Variants in SDC2 observed in about 807,000 individuals in gnomAD.
SDC2 encodes syndecan 2.
SDC2 carries 13 observed loss-of-function variants against 22.2 expected under a neutral mutation model. The ratio of observed to expected loss-of-function variants is 0.59; its 90% confidence interval spans 0.38 to 0.93. SDC2 has a LOEUF of 0.93. Among genes scored for constraint, SDC2 ranks in the 40% least tolerant of loss-of-function variants. SDC2 has a pLI of 0.00. For synonymous variants in SDC2, 94 were observed against 92.8 expected, an observed-to-expected ratio of 1.01 and a Z score of -0.07; for missense variants, 235 against 246.8, an observed-to-expected ratio of 0.95 and a Z score of 0.32.
chr8:96,507,429 G>C (rs78926412), intron 1 of SDC2, among the ~76,000 whole-genome samples: 1 of 152,088 alleles, frequency 6.6e-6, no homozygotes, highest in Non-Finnish European at 1.5e-5. Context: ...AGAATCCTTT[G>C]GTGTTTAGAT....
chr8:96,588,395 A>G (rs1814721849), intron 1 of SDC2, among the ~76,000 whole-genome samples: 1 of 152,182 alleles, frequency 6.6e-6, no homozygotes, highest in African/African-American at 2.4e-5. Flanking sequence ...TTTTTAGCTA[A>G]TTATTATTTC....
At chr8:96,506,701 G>A (rs1813244389) in intron 1 of SDC2, among the ~76,000 whole-genome samples, 1 of 152,008 alleles carries the variant, frequency 6.6e-6, no homozygotes, top group African/African-American at 2.4e-5. Flanking sequence ...CTTATAGTAG[G>A]TGTTCAGTTA....
chr8:96,584,603 G>A (rs907972995), intron 1 of SDC2, among the ~76,000 whole-genome samples: 4 of 152,166 alleles, frequency 2.6e-5, no homozygotes, highest in African/African-American at 9.7e-5. Context: ...TATTAATGCT[G>A]ACCCTCTCCA....
At chr8:96,572,949 CA>C (rs1442422628) in intron 1 of SDC2, among the ~76,000 whole-genome samples, 17 of 152,136 alleles carry the variant, frequency 1.1e-4, no homozygotes, top group Admixed American at 9.2e-4. Context: ...CAGGATTGGT[CA>C]GATTGTTGTG....
intron 3 of SDC2, among the ~76,000 whole-genome samples, chr8:96,603,384 T>A (rs1044182246): frequency 1.3e-5 from 2 of 152,186 alleles, no homozygotes; most frequent in African/African-American, 4.8e-5. Context: ...CCAAGCCAAT[T>A]CACCAAATGA....
At chr8:96,534,186 T>G (rs1813714511) in intron 1 of SDC2, among the ~76,000 whole-genome samples, 1 of 152,156 alleles carries the variant, frequency 6.6e-6, no homozygotes, top group Admixed American at 6.5e-5. Context: ...CTGCCTGTGT[T>G]TCTCCCTCCA....
chr8:96,589,239 G>A (rs951691045), intron 1 of SDC2, among the ~76,000 whole-genome samples: 4 of 152,134 alleles, frequency 2.6e-5, no homozygotes, highest in African/African-American at 7.2e-5. Flanking sequence ...GGTATAATAC[G>A]AAGGAAAGTA....
chr8:96,502,940 A>G (rs1212244081), intron 1 of SDC2, among the ~76,000 whole-genome samples: 1 of 152,180 alleles, frequency 6.6e-6, no homozygotes, highest in African/African-American at 2.4e-5. Context: ...TCATCTGATA[A>G]GCTCTAGCCC....
chr8:96,530,880 C>T (rs1438140814), intron 1 of SDC2, among the ~76,000 whole-genome samples: 9 of 152,164 alleles, frequency 5.9e-5, no homozygotes, highest in Non-Finnish European at 1.2e-4. Flanking sequence ...GACAGAATGG[C>T]GGAGCTAAGA....
intron 1 of SDC2, among the ~76,000 whole-genome samples, chr8:96,537,689 G>C (rs562867964): frequency 2.0e-5 from 3 of 152,290 alleles, no homozygotes; most frequent in African/African-American, 7.2e-5. Flanking sequence ...GGTTTCGGAT[G>C]CTATTTTAAT....
At chr8:96,592,790 A>T (rs1586319742) in intron 1 of SDC2, among the ~76,000 whole-genome samples, 3 of 152,258 alleles carry the variant, frequency 2.0e-5, no homozygotes, top group Admixed American at 2.0e-4. Flanking sequence ...TGTATTTGTC[A>T]TTAAGGCTTT....
intron 1 of SDC2, among the ~76,000 whole-genome samples, chr8:96,509,856 G>C (rs1052921716): frequency 6.6e-6 from 1 of 152,190 alleles, no homozygotes; most frequent in Non-Finnish European, 1.5e-5. Context: ...AAGCAGTGTG[G>C]AATTGGGAAA....
intron 1 of SDC2, among the ~76,000 whole-genome samples, chr8:96,506,595 G>T (rs1813242590): frequency 6.6e-6 from 1 of 152,036 alleles, no homozygotes; most frequent in Non-Finnish European, 1.5e-5. Context: ...TACTACCTCA[G>T]CCTCCTGAGT....
chr8:96,605,420 G>A (rs1272319433), intron 3 of SDC2, among the ~76,000 whole-genome samples: 2 of 152,174 alleles, frequency 1.3e-5, no homozygotes, highest in African/African-American at 4.8e-5. Context: ...CCTGTTGTCT[G>A]TCTTTCCACA....
At chr8:96,608,834 A>G (rs1815128814) in intron 4 of SDC2, among the ~76,000 whole-genome samples, 1 of 152,222 alleles carries the variant, frequency 6.6e-6, no homozygotes, top group Non-Finnish European at 1.5e-5. Context: ...AAAGTTCTTT[A>G]GGGGAAGGCA....
chr8:96,530,936 A>G (rs370729546), intron 1 of SDC2, among the ~76,000 whole-genome samples: 7 of 152,302 alleles, frequency 4.6e-5, no homozygotes, highest in Non-Finnish European at 7.4e-5. Flanking sequence ...CCATTTTCAC[A>G]TCATGGCACA....
chr8:96,569,856 G>A (rs190735828), intron 1 of SDC2, among the ~76,000 whole-genome samples: 3 of 152,092 alleles, frequency 2.0e-5, no homozygotes, highest in South Asian at 2.1e-4. Flanking sequence ...TCCTGGAGGC[G>A]GTGGGGACTG....
intron 1 of SDC2, among the ~76,000 whole-genome samples, chr8:96,533,734 A>C (rs997303646): frequency 1.3e-5 from 2 of 152,140 alleles, no homozygotes; most frequent in Non-Finnish European, 2.9e-5. Flanking sequence ...TTAGCTAGAC[A>C]TAAAGGTTCT....
rs1365620450 is a variant in SDC2 at position 96,576,379 on chromosome 8, G to GTTTTTT, written c.61-17097_61-17096insTTTTTT. Among the ~76,000 whole-genome samples the GTTTTTT allele has an allele frequency of 1.1e-3, 52 of 47,560 alleles. 1 individual carries two copies. Among genetic ancestry groups the GTTTTTT allele is most frequent in the African/African-American group, 2.6e-3 (32 of 12,094 alleles). The allele number at this position is 47,560 out of a possible 152,430, so 31.2% of individuals were successfully genotyped here. A position where few individuals can be genotyped will look rare whatever the true frequency, so the allele number is the denominator to read the frequency against. On this transcript the variant is annotated intron_variant, in intron 1 of 4. Coordinates refer to ENST00000302190, the MANE Select transcript of SDC2 (RefSeq NM_002998.4). ...ATAATTGGTAGTTTGTTTTTGTTTTGTTTTGTTTTTTTTTACCAGATTTGC... is the reference window on the plus strand; with the variant it reads ...ATAATTGGTAGTTTGTTTTTGTTTTGTTTTTTTTTTGTTTTTTTTTACCAGATTTGC...
Sources: gnomAD v4.1 joint callset for allele counts (sites outside exome capture counted in the v4.1 genomes callset) on GRCh38, gnomAD v4.1.1 for gene constraint, MANE v1.5 for transcripts, NCBI Gene and HGNC (gene_info 2026-07-23, HGNC 2026-07-21) for gene names.